Variants in PTPRD observed in about 807,000 individuals in gnomAD.
PTPRD encodes protein tyrosine phosphatase receptor type D, also known as receptor-type tyrosine-protein phosphatase delta.
A neutral mutation model predicts 214.5 loss-of-function variants in PTPRD; 34 were observed. That is an observed-to-expected ratio of 0.16 (90% CI 0.12 to 0.21). The LOEUF (loss-of-function observed/expected upper bound fraction) is 0.21, where lower values mean the gene tolerates loss of function less well. PTPRD is among the 10% of genes least tolerant of loss of function. The probability of loss-of-function intolerance (pLI) is 1.00; values close to 1 mark genes in which losing one functional copy is unlikely to be tolerated. For missense variants in PTPRD, 2,545 were observed against 2,398.7 expected, an observed-to-expected ratio of 1.06 and a Z score of -1.27; for synonymous variants, 1,128 against 845.7, an observed-to-expected ratio of 1.33 and a Z score of -5.79.
chr9:9,029,973 A>T (rs73641204), intron 10 of PTPRD, among the ~76,000 whole-genome samples: 3,419 of 152,086 alleles, frequency 0.022, 128 homozygotes, highest in African/African-American at 0.077. Context: ...ATGCAGAGCC[A>T]GGAACTGAAC....
At chr9:8,324,856 A>T (rs1395715795) in intron 44 of PTPRD, among the ~76,000 whole-genome samples, 1 of 152,074 alleles carries the variant, frequency 6.6e-6, no homozygotes, top group Non-Finnish European at 1.5e-5. Context: ...GACCAGTGAT[A>T]GTGAGCATTT....
At chr9:8,816,274 T>C (rs1415508157) in intron 11 of PTPRD, among the ~76,000 whole-genome samples, 1 of 152,210 alleles carries the variant, frequency 6.6e-6, no homozygotes, top group African/African-American at 2.4e-5. Context: ...ATTCACTTTT[T>C]TCTTTGTGTA....
At chr9:8,920,340 A>C (rs1050579363) in intron 11 of PTPRD, among the ~76,000 whole-genome samples, 3 of 152,050 alleles carry the variant, frequency 2.0e-5, no homozygotes, top group Admixed American at 1.3e-4. Flanking sequence ...GACTCCAAAA[A>C]AAAATATTAA....
At chr9:9,804,782 T>C (rs2099062710) in intron 5 of PTPRD, among the ~76,000 whole-genome samples, 1 of 151,616 alleles carries the variant, frequency 6.6e-6, no homozygotes, top group South Asian at 2.1e-4. Flanking sequence ...ATATAAAATG[T>C]TTGATTATAA....
chr9:9,189,175 T>C lies in PTPRD; in HGVS notation c.-202-5812A>G, dbSNP rs185603641. ...GTAAGTGATTGCTTTATAAGGTAAT[T>C]ATTTTATGATTATCACATAGAAGGT... On this transcript the variant is annotated intron_variant, in intron 9 of 45. Coordinates refer to ENST00000381196, the MANE Select transcript of PTPRD (RefSeq NM_002839.4). 6.0e-4 allele frequency among the ~76,000 whole-genome samples: 92 copies of C among 152,210 alleles called. 1 individual carries two copies. The highest frequency in any genetic ancestry group is 5.0e-3 in the Admixed American group (77 of 15,254).
chr9:9,912,952 C>T (rs1441207126), intron 5 of PTPRD, among the ~76,000 whole-genome samples: 1 of 148,476 alleles, frequency 6.7e-6, no homozygotes, highest in Non-Finnish European at 1.5e-5. Flanking sequence ...TTCCTTCTCT[C>T]TTTCTTTATG....
At chr9:9,977,234 G>C (rs939510263) in intron 4 of PTPRD, among the ~76,000 whole-genome samples, 5 of 152,108 alleles carry the variant, frequency 3.3e-5, no homozygotes, top group Admixed American at 2.0e-4. Context: ...CACACTGGGA[G>C]GTCTAAAGTA....
At chr9:9,940,503 C>G (rs1054578763) in intron 4 of PTPRD, among the ~76,000 whole-genome samples, 9 of 152,114 alleles carry the variant, frequency 5.9e-5, no homozygotes, top group Non-Finnish European at 1.3e-4. Context: ...GATTTGAGTC[C>G]TATCTCTACC....
intron 44 of PTPRD, among the ~76,000 whole-genome samples, chr9:8,323,900 G>A (rs1325706793): frequency 6.6e-6 from 1 of 152,124 alleles, no homozygotes; most frequent in African/African-American, 2.4e-5. Flanking sequence ...ACATTGCATG[G>A]TGCAGAGAAG....
At chr9:8,676,718 C>T (rs183591208) in intron 12 of PTPRD, among the ~76,000 whole-genome samples, 80 of 152,286 alleles carry the variant, frequency 5.3e-4, no homozygotes, top group Non-Finnish European at 6.8e-4. Flanking sequence ...GGATTACAGG[C>T]ATGCGCCACC....
chr9:8,517,874 T>A lies in PTPRD; in HGVS notation c.1517A>T (p.Asp506Val), dbSNP rs767849594. The change falls in exon 21 of 46, where the codon GAC (aspartate) becomes GTC (valine). Residue 506 changes from aspartate (D) to valine (V), a missense_variant. Transcript: ENST00000381196. Reference sequence around the variant, plus strand: ...TCCTGTCTGAGTGATGACTTGTATGTCACTTGAAAGGGGACCATCTCCAAT... The same window carrying A: ...TCCTGTCTGAGTGATGACTTGTATGACACTTGAAAGGGGACCATCTCCAAT... ...TSIGDGPLSS[D>V]IQVITQTGVP... The A allele has an allele frequency of 1.2e-6, 2 of 1,613,954 alleles. No individual in the cohort carries two copies. Among genetic ancestry groups the A allele is most frequent in the Non-Finnish European group, 1.7e-6 (2 of 1,179,880 alleles).
intron 5 of PTPRD, among the ~76,000 whole-genome samples, chr9:9,845,399 G>T (rs970163727): frequency 6.6e-6 from 1 of 151,556 alleles, no homozygotes; most frequent in Non-Finnish European, 1.5e-5. Context: ...TTGAAGGCAA[G>T]GACCACCAGG....
At chr9:9,171,366 A>G (rs1380773276) in intron 10 of PTPRD, among the ~76,000 whole-genome samples, 3 of 149,816 alleles carry the variant, frequency 2.0e-5, no homozygotes, top group Non-Finnish European at 4.4e-5. Flanking sequence ...ATTAGATTAT[A>G]TTTATAATCA....
At chr9:8,853,329 T>C (rs568929543) in intron 11 of PTPRD, among the ~76,000 whole-genome samples, 134 of 152,298 alleles carry the variant, frequency 8.8e-4, no homozygotes, top group Non-Finnish European at 1.7e-3. Context: ...TTTCATATAA[T>C]GAACAATCAG....
chr9:8,798,982 A>C (rs2096510318), intron 11 of PTPRD, among the ~76,000 whole-genome samples: 1 of 152,164 alleles, frequency 6.6e-6, no homozygotes, highest in African/African-American at 2.4e-5. Context: ...TTACAGGGTT[A>C]TTATAAGGAT....
chr9:10,468,693 A>G (rs1326548717), intron 2 of PTPRD, among the ~76,000 whole-genome samples: 1 of 152,144 alleles, frequency 6.6e-6, no homozygotes, highest in African/African-American at 2.4e-5. Flanking sequence ...AAGGCTTATT[A>G]AAACAAAACA....
intron 9 of PTPRD, among the ~76,000 whole-genome samples, chr9:9,216,405 T>A (rs2099952261): frequency 6.6e-6 from 1 of 152,160 alleles, no homozygotes; most frequent in Non-Finnish European, 1.5e-5. Context: ...AGAAAAGAAA[T>A]GGGATAAAAT....
chr9:8,936,412 G>A (rs2098997330), intron 11 of PTPRD, among the ~76,000 whole-genome samples: 1 of 71,276 alleles, frequency 1.4e-5, no homozygotes, highest in Non-Finnish European at 2.7e-5. Context: ...AGGCAACAGA[G>A]CAAGACCCTG....
At chr9:9,024,154 T>A (rs2099578913) in intron 10 of PTPRD, among the ~76,000 whole-genome samples, 1 of 151,794 alleles carries the variant, frequency 6.6e-6, no homozygotes, top group African/African-American at 2.4e-5. Context: ...TGCATTAATA[T>A]ATATTTTATA....
Sources: allele counts gnomAD v4.1 joint callset (sites outside exome capture counted in the v4.1 genomes callset), GRCh38; gene constraint gnomAD v4.1.1; transcripts MANE v1.5; gene names NCBI Gene and HGNC (gene_info 2026-07-23, HGNC 2026-07-21).